PHLDB3: variants seen among roughly 807,000 people sequenced by gnomAD.
The protein encoded by PHLDB3 is pleckstrin homology-like domain family B member 3.
PHLDB3 carries 86 observed loss-of-function variants against 85.7 expected under a neutral mutation model. The ratio of observed to expected loss-of-function variants is 1.00; its 90% CI spans 0.84 to 1.20. PHLDB3 has a LOEUF of 1.20. Ranked by LOEUF, PHLDB3 falls within the 50% of genes most tolerant of loss-of-function variation. The pLI is 0.00. For missense variants in PHLDB3, 995 were observed against 873.0 expected (o/e 1.14, Z -1.76); for synonymous variants, 376 against 349.8 (o/e 1.07, Z -0.83).
rs771424288 is a variant in PHLDB3 at position 43,502,054 on chromosome 19, T to C, written c.396+47A>G. The C allele has an allele frequency of 3.3e-6, 5 of 1,536,576 alleles. No homozygotes were observed. The South Asian group carries it at 6.0e-5, about 18-fold the overall frequency. ...AAAGCTGGGAGTCCGGCTTTGCGGGTTCCGCTTGAGTTGGGGCCAGGCTTC... is the reference window on the plus strand; with the variant it reads ...AAAGCTGGGAGTCCGGCTTTGCGGGCTCCGCTTGAGTTGGGGCCAGGCTTC... On this transcript the variant is annotated intron_variant, in intron 3 of 15. Transcript: ENST00000292140.
Position 43,502,228 on chromosome 19 carries a change from GAA to G in PHLDB3, c.267_268del (p.Ser90AlafsTer53). ...CGCCGCCCCTCGCACCCCTTCCCGCGAAGAGGTGGATGCGGGAGGTGTGGCCG... is the reference window on the plus strand; with the variant it reads ...CGCCGCCCCTCGCACCCCTTCCCGCGGAGGTGGATGCGGGAGGTGTGGCCG... On this transcript the variant is annotated frameshift_variant, in exon 3 of 16. Coordinates refer to ENST00000292140, the MANE Select transcript of PHLDB3 (RefSeq NM_198850.4). LOFTEE classifies it high-confidence loss of function. 1 of 1,564,020 alleles carries G rather than the reference GAA, an allele frequency of 6.4e-7. No homozygotes were observed. The highest frequency in any genetic ancestry group is 8.7e-7 in the Non-Finnish European group (1 of 1,155,704).
chr19:43,500,421 C>T (rs1041040585), intron 4 of PHLDB3, among the ~76,000 whole-genome samples: 2 of 152,198 alleles, frequency 1.3e-5, no homozygotes, highest in African/African-American at 2.4e-5. Flanking sequence ...ATCAGCCATG[C>T]TCTGCCTATA....
chr19:43,501,831 C>A lies in PHLDB3; in HGVS notation c.437G>T (p.Gly146Val). ...EVALLRGELA[G>V]ERVAARREEE... The stretch of plus-strand genomic sequence containing the variant: ...CTCCCGGCGAGCGGCCACTCGCTCC[C>A]CAGCCAGCTCACCCCGCAGCAAGGC... Residue 146 changes from glycine to valine, a missense_variant, in exon 4 of 16, where the codon GGG becomes GTG. Physicochemically the swap from Gly to Val is moderately radical, Grantham distance 109 (BLOSUM62 -3). Coordinates refer to ENST00000292140, the MANE Select transcript of PHLDB3 (RefSeq NM_198850.4). The A allele has an allele frequency of 6.3e-7, 1 of 1,591,310 alleles. No individual in the cohort carries two copies. The highest frequency in any genetic ancestry group is 8.5e-7 in the Non-Finnish European group (1 of 1,169,668).
intron 15 of PHLDB3, 26 bp downstream of exon 15, chr19:43,478,021 G>A: frequency 6.3e-7 from 1 of 1,579,826 alleles, no homozygotes; most frequent in African/African-American, 1.3e-5. Flanking sequence ...CAACTGGGAG[G>A]TCAGGGTGAC....
Position 43,486,033 on chromosome 19 carries a change from G to A in PHLDB3, c.1485+233C>T, listed in dbSNP as rs898672022. ...ACATTGTCACCAATGTACAGAAGAGGAAAATGAGGCAGAGTAGAGCAAGTT... is the reference window on the plus strand; with the variant it reads ...ACATTGTCACCAATGTACAGAAGAGAAAAATGAGGCAGAGTAGAGCAAGTT... On this transcript the variant is annotated intron_variant, in intron 13 of 15. Coordinates refer to ENST00000292140, the MANE Select transcript of PHLDB3 (RefSeq NM_198850.4). 18 of 985,254 alleles carry A rather than the reference G, an allele frequency of 1.8e-5. No individual in the cohort carries two copies. In the South Asian group the frequency reaches 8.0e-4, roughly 44 times the overall value. The allele number at this position is 985,254 out of a possible 1,614,324, so 61.0% of individuals were successfully genotyped here. A position where few individuals can be genotyped will look rare whatever the true frequency, so the allele number is the denominator to read the frequency against.
Position 43,504,216 on chromosome 19 carries a change from A to ACC in PHLDB3, c.-14-86_-14-85dup, listed in dbSNP as rs11377522. The ACC allele has an allele frequency of 8.3e-3, 9,872 of 1,190,834 alleles. 46 individuals are homozygous for ACC. Among genetic ancestry groups the ACC allele is most frequent in the Middle Eastern group, 0.013 (44 of 3,382 alleles). 73.8% of individuals were successfully genotyped at this position (1,190,834 alleles called of 1,614,324 possible). ...CTCGCGTCTGCTCCGGGGCGCGGAG[A>ACC]CCCCCCCCCAAGGAGGCGGGGCCTA... On this transcript the variant is annotated intron_variant, in intron 1 of 15. Coordinates refer to ENST00000292140, the MANE Select transcript of PHLDB3 (RefSeq NM_198850.4).
In PHLDB3 at chr19:43,493,243, C is replaced by T. The variant is rs543793851; in HGVS notation, c.1149+1459G>A. 9.6e-4 allele frequency among the ~76,000 whole-genome samples: 146 copies of T among 151,324 alleles called. 1 individual carries two copies. The highest frequency in any genetic ancestry group is 3.4e-3 in the African/African-American group (138 of 41,108). ...GCAGTGAGTTGAGATCGCACCATTG[C>T]ACTCCAGCCTGGCAATAAGAGTGAA... On this transcript the variant is annotated intron_variant, in intron 9 of 15. Transcript: ENST00000292140.
chr19:43,486,132 C>T (rs1971149143), intron 13 of PHLDB3, 134 bp downstream of exon 13: 3 of 1,412,120 alleles, frequency 2.1e-6, no homozygotes, highest in Admixed American at 2.9e-5. Context: ...CTGCAGTTCC[C>T]TTTCCCTTGC....
At chr19:43,479,203 A>C (rs965596072) in intron 14 of PHLDB3, among the ~76,000 whole-genome samples, 174 bp downstream of exon 14, 1 of 152,098 alleles carries the variant, frequency 6.6e-6, no homozygotes, top group African/African-American at 2.4e-5. Context: ...GAGGAGAGAG[A>C]GAGCTGGGAG....
intron 9 of PHLDB3, among the ~76,000 whole-genome samples, chr19:43,487,574 CAAA>C (rs760708749): frequency 7.8e-5 from 3 of 38,532 alleles, no homozygotes; most frequent in Admixed American, 2.7e-4. Context: ...GACTCTGTCT[CAAA>C]AAAAAAAAAA....
intron 1 of PHLDB3, 86 bp from the exon 2 acceptor site, chr19:43,504,218 C>G (rs12980205): frequency 6.5e-6 from 8 of 1,222,814 alleles, no homozygotes; most frequent in East Asian, 2.6e-5. Context: ...GCGCGGAGAC[C>G]CCCCCCCAAG....
chr19:43,502,204 G>C lies in PHLDB3; in HGVS notation c.293C>G (p.Ala98Gly). The change falls in exon 3 of 16, where the codon GCG becomes GGG. Residue 98 changes from alanine to glycine, a missense_variant. Transcript: ENST00000292140. ...CAGCTGCTGTCCTTGCAGGCGCCGC[G>C]CCGCCCCTCGCACCCCTTCCCGCGA... ...TSSREGVRGAARRLQGQQLEA... is the reference protein window; with the variant it reads ...TSSREGVRGAGRRLQGQQLEA... 6.4e-7 allele frequency: 1 copy of C among 1,567,216 alleles called. No homozygotes were observed. The highest frequency in any genetic ancestry group is 1.7e-4 in the Middle Eastern group (1 of 5,956).
chr19:43,486,122 C>G, intron 13 of PHLDB3, 144 bp downstream of exon 13: 1 of 1,411,848 alleles, frequency 7.1e-7, no homozygotes, highest in Non-Finnish European at 9.2e-7. Flanking sequence ...AACTGGTCCT[C>G]TGCAGTTCCC....
chr19:43,475,370 G>C lies in PHLDB3; in HGVS notation c.*40C>G. On this transcript the variant is annotated 3_prime_UTR_variant, in exon 16 of 16. Coordinates refer to ENST00000292140, the MANE Select transcript of PHLDB3 (RefSeq NM_198850.4). ...GAACGCCCCCGCGCCCCGCGCCGGC[G>C]GAGCCTCGAAGGGACTTCCCCCCAA... is the stretch of plus-strand genomic sequence containing the variant. The C allele has an allele frequency of 6.3e-7, 1 of 1,595,092 alleles. No individual in the cohort carries two copies. Among genetic ancestry groups the C allele is most frequent in the African/African-American group, 1.3e-5 (1 of 74,432 alleles).
Position 43,494,825 on chromosome 19 carries a change from A to G in PHLDB3, c.1036-10T>C. On this transcript the variant is annotated splice_polypyrimidine_tract_variant and intron_variant, in intron 8 of 15. Transcript: ENST00000292140. ...TCTGGGTGAACAGCAGCTGCAAGAG[A>G]TGGGGTGAAGTTTCGTGGGAGCAGG... 1 of 1,605,086 alleles carries G rather than the reference A, an allele frequency of 6.2e-7. No individual in the cohort carries two copies. Among genetic ancestry groups the G allele is most frequent in the Non-Finnish European group, 8.5e-7 (1 of 1,175,502 alleles).
In PHLDB3 at chr19:43,479,432, C is replaced by T. The variant is rs1051601097; in HGVS notation, c.1647G>A (p.Trp549Ter). ...LVKMGGRIKT[W>*]RKRWFCFDRQ... ...GGTCAAAGCAGAACCATCGCTTCCT[C>T]CAGGTCTTGATGCGGCCGCCCATCT... The change falls in exon 14 of 16, where the codon TGG (tryptophan) becomes TGA (stop). Residue 549 changes from tryptophan to a stop codon, truncating the protein, a stop_gained. Transcript: ENST00000292140. LOFTEE classifies it high-confidence loss of function. The T allele has an allele frequency of 1.9e-6, 3 of 1,567,846 alleles. No individual in the cohort carries two copies.
chr19:43,504,219 C>G lies in PHLDB3; in HGVS notation c.-14-87G>C, dbSNP rs185938617. On this transcript the variant is annotated intron_variant, in intron 1 of 15. Coordinates refer to ENST00000292140, the MANE Select transcript of PHLDB3 (RefSeq NM_198850.4). ...GCGTCTGCTCCGGGGCGCGGAGACC[C>G]CCCCCCAAGGAGGCGGGGCCTAAGA... is the stretch of plus-strand genomic sequence containing the variant. 1.7e-4 allele frequency: 209 copies of G among 1,215,996 alleles called. 1 individual carries two copies. In the East Asian group the frequency reaches 4.1e-3, roughly 24 times the overall value. 75.3% of individuals were successfully genotyped at this position (1,215,996 alleles called of 1,614,324 possible).
chr19:43,486,522 G>A, intron 12 of PHLDB3, 87 bp downstream of exon 12: 1 of 1,469,932 alleles, frequency 6.8e-7, no homozygotes, highest in Non-Finnish European at 9.2e-7. Flanking sequence ...CTGGGTCTGA[G>A]GGAGGTGGAG....
intron 1 of PHLDB3, 182 bp downstream of exon 1, chr19:43,504,407 A>C: frequency 4.1e-5 from 21 of 506,768 alleles, no homozygotes; most frequent in East Asian, 1.0e-4. Flanking sequence ...CCCCTCCCTC[A>C]TCTCTAGGTG....
Sources: gnomAD v4.1 joint callset for allele counts (sites outside exome capture counted in the v4.1 genomes callset) on GRCh38, gnomAD v4.1.1 for gene constraint, MANE v1.5 for transcripts, NCBI Gene and HGNC (gene_info 2026-07-23, HGNC 2026-07-21) for gene names.